ACO1: variants seen among roughly 807,000 people sequenced by gnomAD.
ACO1 encodes cytoplasmic aconitate hydratase.
Under a neutral mutation model 105.1 loss-of-function variants are expected in ACO1, and 78 were observed. The observed-to-expected ratio is 0.74, with a 90% CI of 0.62 to 0.90. The LOEUF is 0.90. Among genes scored for constraint, ACO1 ranks in the 40% least tolerant of loss-of-function variants. The pLI is 0.00. For synonymous variants in ACO1, 364 were observed against 397.4 expected (o/e 0.92, Z 1.00); for missense variants, 965 against 1,111.1 (o/e 0.87, Z 1.87).
intron 1 of ACO1, among the ~76,000 whole-genome samples, chr9:32,390,687 C>G (rs1228338072): frequency 6.6e-6 from 1 of 152,014 alleles, no homozygotes; most frequent in Non-Finnish European, 1.5e-5. Context: ...TGACCTAGGA[C>G]CAAGAACATT....
rs762197209 is a variant in ACO1, at chr9:32,421,002, T to G, written c.945T>G (p.Val315=). 66 of 1,613,950 alleles carry G rather than the reference T, an allele frequency of 4.1e-5. No individual in the cohort carries two copies. The highest frequency in any genetic ancestry group is 5.6e-5 in the Non-Finnish European group (66 of 1,179,988). ...CTGCCTTTTTCCCAGTTGATGAAGT[T>G]AGTATCACGTACCTGGTGCAAACAG... ...ATAAFFPVDE[V]SITYLVQTGR... The change falls in exon 8 of 21, where the codon GTT becomes GTG. Residue 315 remains valine, a synonymous_variant. Transcript: ENST00000309951.
rs758061524 is a variant in ACO1, at chr9:32,448,893, C to T, written c.2371-3C>T. 3 of 1,614,174 alleles carry T rather than the reference C, an allele frequency of 1.9e-6. 1 individual carries two copies. The highest frequency in any genetic ancestry group is 3.3e-4 in the Middle Eastern group (2 of 6,062). Reference sequence around the variant, plus strand: ...TGTCTAAACTACTGTCTTTATTCATCAGGGAATCAAAGCCGTCCTGGCCGA... The same window carrying T: ...TGTCTAAACTACTGTCTTTATTCATTAGGGAATCAAAGCCGTCCTGGCCGA... On this transcript the variant is annotated splice_region_variant and splice_polypyrimidine_tract_variant and intron_variant, in intron 19 of 20. Transcript: ENST00000309951.
intron 1 of ACO1, among the ~76,000 whole-genome samples, chr9:32,387,588 A>G (rs569850605): frequency 1.6e-4 from 25 of 152,188 alleles, no homozygotes; most frequent in Non-Finnish European, 2.6e-4. Context: ...TGTATGATTC[A>G]AGTCCTCTAA....
At chr9:32,427,985 C>T (rs1822137553) in intron 12 of ACO1, among the ~76,000 whole-genome samples, 1 of 151,778 alleles carries the variant, frequency 6.6e-6, no homozygotes, top group Non-Finnish European at 1.5e-5. Context: ...TTGTTAAAAA[C>T]CAAGACAGGC....
chr9:32,419,499 T>G (rs1293284358), intron 7 of ACO1, among the ~76,000 whole-genome samples: 1 of 152,256 alleles, frequency 6.6e-6, no homozygotes, highest in Non-Finnish European at 1.5e-5. Context: ...CATTTTGTCA[T>G]AGTTGCTTCA....
chr9:32,410,809 G>A (rs1339536646), intron 4 of ACO1, among the ~76,000 whole-genome samples: 1 of 152,196 alleles, frequency 6.6e-6, no homozygotes, highest in Non-Finnish European at 1.5e-5. Context: ...TCAACAGTAA[G>A]AATTTATTTC....
At chr9:32,437,583 C>T (rs1374215430) in intron 18 of ACO1, among the ~76,000 whole-genome samples, 3 of 152,130 alleles carry the variant, frequency 2.0e-5, no homozygotes, top group Non-Finnish European at 2.9e-5. Flanking sequence ...TCACAGTGTA[C>T]CACACGCATT....
chr9:32,406,173 T>A (rs560532295), intron 2 of ACO1, among the ~76,000 whole-genome samples: 7 of 152,340 alleles, frequency 4.6e-5, no homozygotes, highest in Admixed American at 4.6e-4. Flanking sequence ...TGCATAGTGT[T>A]TAGGGTTTTG....
At position 32,407,297 on chromosome 9, in the gene ACO1, C is replaced by T; in HGVS notation, c.134C>T (p.Ala45Val). ...TTTTCGATCAGAGTTCTTCTGGAAGCAGCCATTCGGAATTGTGATGAGTTT... is the reference window on the plus strand; with the variant it reads ...TTTTCGATCAGAGTTCTTCTGGAAGTAGCCATTCGGAATTGTGATGAGTTT... ...LPFSIRVLLE[A>V]AIRNCDEFLV... The change falls in exon 3 of 21, where the codon GCA (alanine) becomes GTA (valine). Residue 45 changes from alanine to valine, a missense_variant. Coordinates refer to ENST00000309951, the MANE Select transcript of ACO1 (RefSeq NM_002197.3). The T allele has an allele frequency of 6.2e-7, 1 of 1,614,104 alleles. No individual in the cohort carries two copies. The highest frequency in any genetic ancestry group is 8.5e-7 in the Non-Finnish European group (1 of 1,180,002).
At chr9:32,399,079 T>A (rs1292805637) in intron 1 of ACO1, among the ~76,000 whole-genome samples, 1 of 152,184 alleles carries the variant, frequency 6.6e-6, no homozygotes, top group Non-Finnish European at 1.5e-5. Context: ...GGGGTCAAAT[T>A]GTCGACAGAT....
intron 1 of ACO1, among the ~76,000 whole-genome samples, chr9:32,385,964 A>G (rs1340026726): frequency 1.3e-5 from 2 of 152,244 alleles, no homozygotes; most frequent in Non-Finnish European, 2.9e-5. Flanking sequence ...AACCTCTGGT[A>G]TCTGGAACCA....
Position 32,405,567 on chromosome 9 carries a change from T to G in ACO1, c.61T>G (p.Phe21Val). 1 of 1,613,850 alleles carries G rather than the reference T, an allele frequency of 6.2e-7. No homozygotes were observed. The highest frequency in any genetic ancestry group is 1.1e-5 in the South Asian group (1 of 91,028). Residue 21 changes from phenylalanine to valine, a missense_variant, in exon 2 of 21, where the codon TTC (phenylalanine) becomes GTC (valine). By Grantham distance (50) the Phe-to-Val change is conservative. Coordinates refer to ENST00000309951, the MANE Select transcript of ACO1 (RefSeq NM_002197.3). Reference protein sequence around the residue: ...PLDPVQPGKKFFNLNKLEDSR... With the variant: ...PLDPVQPGKKVFNLNKLEDSR... ...GGATCCTGTACAACCAGGAAAGAAA[T>G]TCTTCAATTTGAATAAATTGGAGGA...
chr9:32,419,463 C>G (rs7026133), intron 7 of ACO1, among the ~76,000 whole-genome samples: 2 of 152,050 alleles, frequency 1.3e-5, no homozygotes, highest in Admixed American at 1.3e-4. Context: ...TTCATATGCC[C>G]ACCACCTAGA....
At chr9:32,386,642 A>G (rs1214520566) in intron 1 of ACO1, among the ~76,000 whole-genome samples, 1 of 152,222 alleles carries the variant, frequency 6.6e-6, no homozygotes, top group Non-Finnish European at 1.5e-5. Context: ...TTGCATGCAC[A>G]TGAGCGTGTT....
chr9:32,446,236 A>G (rs1437259037), intron 19 of ACO1, among the ~76,000 whole-genome samples: 1 of 152,122 alleles, frequency 6.6e-6, no homozygotes, highest in African/African-American at 2.4e-5. Context: ...ATTGTGTGGG[A>G]GTCTAAGTCT....
intron 1 of ACO1, among the ~76,000 whole-genome samples, chr9:32,391,366 A>G (rs540257913): frequency 6.2e-4 from 95 of 152,258 alleles, no homozygotes; most frequent in Non-Finnish European, 9.0e-4. Context: ...GCATCTAAGC[A>G]TGTCTTTGGG....
intron 10 of ACO1, among the ~76,000 whole-genome samples, chr9:32,425,490 G>A (rs1474260840): frequency 6.6e-6 from 1 of 152,168 alleles, no homozygotes; most frequent in Non-Finnish European, 1.5e-5. Context: ...GTACAATAAT[G>A]TCATTGAGTT....
intron 1 of ACO1, among the ~76,000 whole-genome samples, chr9:32,392,151 A>C (rs1006361628): frequency 6.6e-6 from 1 of 152,082 alleles, no homozygotes; most frequent in East Asian, 1.9e-4. Context: ...TATTTTTTTT[A>C]AATGCATTTG....
At chr9:32,417,443 C>T (rs747101242) in intron 4 of ACO1, among the ~76,000 whole-genome samples, 11 of 152,166 alleles carry the variant, frequency 7.2e-5, no homozygotes, top group Non-Finnish European at 1.3e-4. Flanking sequence ...GCTGAATCTG[C>T]GATCTTGTGA....
Sources: allele counts gnomAD v4.1 joint callset (sites outside exome capture counted in the v4.1 genomes callset), GRCh38; gene constraint gnomAD v4.1.1; transcripts MANE v1.5; gene names NCBI Gene and HGNC (gene_info 2026-07-23, HGNC 2026-07-21).